Variants in SSTR2 observed in about 807,000 individuals in gnomAD.
SSTR2 encodes the protein somatostatin receptor type 2.
A neutral mutation model predicts 21.4 loss-of-function variants in SSTR2; 10 were observed. The observed-to-expected ratio is 0.47, with a 90% CI of 0.29 to 0.79. The LOEUF is 0.79. SSTR2 is among the 30% of genes least tolerant of loss of function. The pLI is 0.10. For synonymous variants in SSTR2, 177 were observed against 181.3 expected (o/e 0.98, Z 0.19); for missense variants, 364 against 468.8 (o/e 0.78, Z 2.06).
At position 73,171,106 on chromosome 17, in the gene SSTR2, C is replaced by T. The variant is rs1379065538; in HGVS notation, c.*677C>T. On this transcript the variant is annotated 3_prime_UTR_variant, in exon 2 of 2. Coordinates refer to ENST00000357585, the MANE Select transcript of SSTR2 (RefSeq NM_001050.3). Reference sequence around the variant, plus strand: ...TCGTATAAGCTTCAAGCCTCACAAACCTTCTAGCCTCTGCCCTTGGGGATT... The same window carrying T: ...TCGTATAAGCTTCAAGCCTCACAAATCTTCTAGCCTCTGCCCTTGGGGATT... 2 of 178,516 alleles carry T rather than the reference C, an allele frequency of 1.1e-5. No individual in the cohort carries two copies. Among genetic ancestry groups the T allele is most frequent in the African/African-American group, 4.8e-5 (2 of 41,736 alleles). 11.1% of individuals were successfully genotyped at this position (178,516 alleles called of 1,614,324 possible). A position where few individuals can be genotyped will look rare whatever the true frequency, so the allele number is the denominator to read the frequency against.
intron 1 of SSTR2, among the ~76,000 whole-genome samples, chr17:73,168,754 AC>A (rs2061224226): frequency 6.6e-6 from 1 of 152,130 alleles, no homozygotes; most frequent in African/African-American, 2.4e-5. Context: ...CAGCAGTGGA[AC>A]CCGGTTTGTT....
rs1452218836 is a variant in SSTR2 at position 73,170,867 on chromosome 17, G to A, written c.*438G>A. 5.0e-6 allele frequency: 2 copies of A among 403,358 alleles called. No individual in the cohort carries two copies. Among genetic ancestry groups the A allele is most frequent in the Non-Finnish European group, 1.0e-5 (2 of 197,150 alleles). 25.0% of individuals were successfully genotyped at this position (403,358 alleles called of 1,614,324 possible). Reference sequence around the variant, plus strand: ...TTACATACACAAGTAGCAAATTCGAGTATGCATAGTGTAGATGGACATTTG... The same window carrying A: ...TTACATACACAAGTAGCAAATTCGAATATGCATAGTGTAGATGGACATTTG... On this transcript the variant is annotated 3_prime_UTR_variant, in exon 2 of 2. Coordinates refer to ENST00000357585, the MANE Select transcript of SSTR2 (RefSeq NM_001050.3).
chr17:73,170,389 A>G lies in SSTR2; in HGVS notation c.1070A>G (p.Gln357Arg). 6.2e-7 allele frequency: 1 copy of G among 1,613,972 alleles called. No homozygotes were observed. The highest frequency in any genetic ancestry group is 8.5e-7 in the Non-Finnish European group (1 of 1,179,996). ...KSRLNETTET[Q>R]RTLLNGDLQT... ...CGGCTGAATGAGACCACGGAGACCCAGAGGACCCTCCTCAATGGAGACCTC... is the reference window on the plus strand; with the variant it reads ...CGGCTGAATGAGACCACGGAGACCCGGAGGACCCTCCTCAATGGAGACCTC... Residue 357 changes from glutamine to arginine, a missense_variant, in exon 2 of 2, where the codon CAG becomes CGG. Physicochemically the swap from Gln to Arg is conservative, Grantham distance 43. Coordinates refer to ENST00000357585, the MANE Select transcript of SSTR2 (RefSeq NM_001050.3).
In SSTR2 at chr17:73,173,599, T is replaced by C. The variant is rs939827492; in HGVS notation, c.*3170T>C. ...TATTTAATGATGAAGACAAATCTGC[T>C]GGGTGCTGGGAGGGAATAAAAAGTA... On this transcript the variant is annotated 3_prime_UTR_variant, in exon 2 of 2. Coordinates refer to ENST00000357585, the MANE Select transcript of SSTR2 (RefSeq NM_001050.3). 1 of 152,210 alleles carries C rather than the reference T, an allele frequency of 6.6e-6. No homozygotes were observed. The highest frequency in any genetic ancestry group is 1.5e-5 in the Non-Finnish European group (1 of 68,034). 9.4% of individuals were successfully genotyped at this position (152,210 alleles called of 1,614,324 possible). A position where few individuals can be genotyped will look rare whatever the true frequency, so the allele number is the denominator to read the frequency against.
intron 1 of SSTR2, chr17:73,167,956 ATTT>A (rs1228553046): frequency 3.3e-5 from 5 of 152,194 alleles, no homozygotes; most frequent in African/African-American, 7.2e-5. Context: ...TGCTCCAATT[ATTT>A]TCTCAGCAAG....
In SSTR2 at chr17:73,170,721, GA is replaced by G; in HGVS notation, c.*299del. 1 of 575,606 alleles carries G rather than the reference GA, an allele frequency of 1.7e-6. No homozygotes were observed. Among genetic ancestry groups the G allele is most frequent in the Non-Finnish European group, 3.4e-6 (1 of 296,790 alleles). 35.7% of individuals were successfully genotyped at this position (575,606 alleles called of 1,614,324 possible). The stretch of plus-strand genomic sequence containing the variant: ...ATGATCTTTAGAAACAACAAAAATA[GA>G]AAAAAATAAGTATCTGTGTGTTTGT... On this transcript the variant is annotated 3_prime_UTR_variant, in exon 2 of 2. Transcript: ENST00000357585.
In SSTR2 at chr17:73,170,023, T is replaced by C; in HGVS notation, c.704T>C (p.Val235Ala). The C allele has an allele frequency of 1.2e-6, 2 of 1,613,966 alleles. No individual in the cohort carries two copies. The highest frequency in any genetic ancestry group is 1.7e-6 in the Non-Finnish European group (2 of 1,179,910). ...TGCTACCTGTTCATTATCATCAAGG[T>C]GAAGTCCTCTGGAATCCGAGTGGGC... ...CLCYLFIIIK[V>A]KSSGIRVGSS... The change falls in exon 2 of 2, where the codon GTG becomes GCG. Residue 235 changes from valine (V) to alanine (A), a missense_variant. This residue lies in a region of SSTR2 where 193 missense variants were observed against 273.1 expected (regional missense o/e 0.71). Coordinates refer to ENST00000357585, the MANE Select transcript of SSTR2 (RefSeq NM_001050.3).
At chr17:73,166,177 C>G (rs1312917621) in intron 1 of SSTR2, among the ~76,000 whole-genome samples, 2 of 152,254 alleles carry the variant, frequency 1.3e-5, no homozygotes, top group Non-Finnish European at 2.9e-5. Flanking sequence ...TAGGCCAGCA[C>G]CGCCCCGGCT....
In SSTR2 at chr17:73,174,416, G is replaced by A. The variant is rs147493250; in HGVS notation, c.*3987G>A. On this transcript the variant is annotated 3_prime_UTR_variant, in exon 2 of 2. Transcript: ENST00000357585. ...GGCTGATCACAGAGACAGGTAGGAA[G>A]CAATGGACTGTTAAAATGCATGTTC... The A allele has an allele frequency of 6.6e-6, 1 of 152,220 alleles. No homozygotes were observed. The highest frequency in any genetic ancestry group is 2.4e-5 in the African/African-American group (1 of 41,540). The allele number at this position is 152,220 out of a possible 1,614,324, so 9.4% of individuals were successfully genotyped here.
intron 1 of SSTR2, among the ~76,000 whole-genome samples, chr17:73,167,614 T>C (rs1004498171): frequency 1.5e-4 from 23 of 152,210 alleles, no homozygotes; most frequent in Non-Finnish European, 1.6e-4. Context: ...GTCCTCCTGC[T>C]TCACTCTTCA....
rs1204600948 is a variant in SSTR2, at chr17:73,175,126, T to C, written c.*4697T>C. On this transcript the variant is annotated 3_prime_UTR_variant, in exon 2 of 2. Coordinates refer to ENST00000357585, the MANE Select transcript of SSTR2 (RefSeq NM_001050.3). ...TCCCAATAGCTGGCAAGCCAAGCAG[T>C]GGAACTTATAGTAACAACAATCAAT... The C allele has an allele frequency of 3.3e-5, 5 of 152,298 alleles. No homozygotes were observed. Among genetic ancestry groups the C allele is most frequent in the Non-Finnish European group, 7.4e-5 (5 of 68,026 alleles). The allele number at this position is 152,298 out of a possible 1,614,324, so 9.4% of individuals were successfully genotyped here.
rs762970867 is a variant in SSTR2, at chr17:73,169,410, T to G, written c.91T>G (p.Ser31Ala). 12 of 1,614,104 alleles carry G rather than the reference T, an allele frequency of 7.4e-6. No individual in the cohort carries two copies. The highest frequency in any genetic ancestry group is 9.3e-6 in the Non-Finnish European group (11 of 1,180,050). The stretch of plus-strand genomic sequence containing the variant: ...TGGCTCTGTGGTGTCAACCAACACC[T>G]CAAACCAGACAGAGCCGTACTATGA... Reference protein sequence around the residue: ...LNGSVVSTNTSNQTEPYYDLT... With the variant: ...LNGSVVSTNTANQTEPYYDLT... The change falls in exon 2 of 2, where the codon TCA becomes GCA. Residue 31 changes from serine (S) to alanine (A), a missense_variant. By Grantham distance (99) the Ser-to-Ala change is moderately conservative (BLOSUM62 1). Around this residue, in one of 4 missense-constraint regions of SSTR2, gnomAD observed 75 missense variants for 75.4 expected, o/e 0.99. Coordinates refer to ENST00000357585, the MANE Select transcript of SSTR2 (RefSeq NM_001050.3). The surrounding 1 kb of genome is among the most constrained non-coding windows in gnomAD (Gnocchi z 5.2).
Position 73,165,032 on chromosome 17 carries a change from A to G in SSTR2, c.-349A>G, listed in dbSNP as rs942431031. On this transcript the variant is annotated 5_prime_UTR_variant, in exon 1 of 2. It removes an upstream start codon present in the reference 5' UTR. Coordinates refer to ENST00000357585, the MANE Select transcript of SSTR2 (RefSeq NM_001050.3). The stretch of plus-strand genomic sequence containing the variant: ...GCCAGTCCCAGCGGCGCAGCCACCC[A>G]TGCGCGCGCGCTCGCAAGACCACCA... 2.6e-5 allele frequency: 4 copies of G among 152,144 alleles called. No individual in the cohort carries two copies. Among genetic ancestry groups the G allele is most frequent in the Admixed American group, 6.5e-5 (1 of 15,286 alleles). 9.4% of individuals were successfully genotyped at this position (152,144 alleles called of 1,614,324 possible).
Position 73,171,945 on chromosome 17 carries a change from A to AG in SSTR2, c.*1516_*1517insG. 6.8e-6 allele frequency: 1 copy of AG among 147,690 alleles called. No individual in the cohort carries two copies. Among genetic ancestry groups the AG allele is most frequent in the African/African-American group, 2.5e-5 (1 of 40,714 alleles). The allele number at this position is 147,690 out of a possible 1,614,324, so 9.1% of individuals were successfully genotyped here. A position where few individuals can be genotyped will look rare whatever the true frequency, so the allele number is the denominator to read the frequency against. On this transcript the variant is annotated 3_prime_UTR_variant, in exon 2 of 2. Coordinates refer to ENST00000357585, the MANE Select transcript of SSTR2 (RefSeq NM_001050.3). ...TCAAAAAAAAAAAAAAAAAAAAAAA[A>AG]AAAAAAAAAAAAGGAAAACCACAAT...
In SSTR2 at chr17:73,172,442, G is replaced by A. The variant is rs1054136796; in HGVS notation, c.*2013G>A. On this transcript the variant is annotated 3_prime_UTR_variant, in exon 2 of 2. Coordinates refer to ENST00000357585, the MANE Select transcript of SSTR2 (RefSeq NM_001050.3). The stretch of plus-strand genomic sequence containing the variant: ...CTCCCTAAGCAAGCGCTGTTGGCCG[G>A]TGGGAGTGACTAAGTGCTCCACCTG... 6.6e-6 allele frequency: 1 copy of A among 152,222 alleles called. No homozygotes were observed. Among genetic ancestry groups the A allele is most frequent in the Non-Finnish European group, 1.5e-5 (1 of 68,046 alleles). 9.4% of individuals were successfully genotyped at this position (152,222 alleles called of 1,614,324 possible). A position where few individuals can be genotyped will look rare whatever the true frequency, so the allele number is the denominator to read the frequency against.
chr17:73,170,650 G>T lies in SSTR2; in HGVS notation c.*221G>T. 1 of 703,940 alleles carries T rather than the reference G, an allele frequency of 1.4e-6. No homozygotes were observed. The allele number at this position is 703,940 out of a possible 1,614,324, so 43.6% of individuals were successfully genotyped here. ...TCCCCCTTAAAGCGAACACTGAAAT[G>T]CAGGTAGACAATTCAAAGTCTGGAG... On this transcript the variant is annotated 3_prime_UTR_variant, in exon 2 of 2. Coordinates refer to ENST00000357585, the MANE Select transcript of SSTR2 (RefSeq NM_001050.3).
chr17:73,169,731 A>T lies in SSTR2; in HGVS notation c.412A>T (p.Ile138Phe). 1 of 1,614,238 alleles carries T rather than the reference A, an allele frequency of 6.2e-7. No individual in the cohort carries two copies. The highest frequency in any genetic ancestry group is 1.1e-5 in the South Asian group (1 of 91,078). ...CATCTTCTGCCTGACAGTCATGAGCATCGACCGATACCTGGCTGTGGTCCA... is the reference window on the plus strand; with the variant it reads ...CATCTTCTGCCTGACAGTCATGAGCTTCGACCGATACCTGGCTGTGGTCCA... ...TSIFCLTVMS[I>F]DRYLAVVHPI... Residue 138 changes from isoleucine (I) to phenylalanine (F), a missense_variant, in exon 2 of 2, where the codon ATC becomes TTC. Ile to Phe is a conservative substitution (Grantham distance 21). Coordinates refer to ENST00000357585, the MANE Select transcript of SSTR2 (RefSeq NM_001050.3). The surrounding 1 kb of genome is among the most constrained non-coding windows in gnomAD (Gnocchi z 5.2).
At position 73,170,187 on chromosome 17, in the gene SSTR2, C is replaced by A. The variant is rs780861427; in HGVS notation, c.868C>A (p.Leu290Ile). ...VSMAISPTPA[L>I]KGMFDFVVVL... Reference sequence around the variant, plus strand: ...CATGGCCATCAGCCCCACCCCAGCCCTTAAAGGCATGTTTGACTTTGTGGT... The same window carrying A: ...CATGGCCATCAGCCCCACCCCAGCCATTAAAGGCATGTTTGACTTTGTGGT... The change falls in exon 2 of 2, where the codon CTT (leucine) becomes ATT (isoleucine). Residue 290 changes from leucine to isoleucine, a missense_variant. Physicochemically the swap from Leu to Ile is conservative, Grantham distance 5 (BLOSUM62 2). Coordinates refer to ENST00000357585, the MANE Select transcript of SSTR2 (RefSeq NM_001050.3). 2 of 1,614,184 alleles carry A rather than the reference C, an allele frequency of 1.2e-6. No individual in the cohort carries two copies. The highest frequency in any genetic ancestry group is 2.2e-5 in the South Asian group (2 of 91,078).
rs1568285904 is a variant in SSTR2, at chr17:73,169,482, A to G, written c.163A>G (p.Ile55Val). 1 of 1,614,268 alleles carries G rather than the reference A, an allele frequency of 6.2e-7. No homozygotes were observed. Among genetic ancestry groups the G allele is most frequent in the Middle Eastern group, 1.6e-4 (1 of 6,062 alleles). ...CACATTCATCTATTTTGTGGTCTGC[A>G]TCATTGGGTTGTGTGGCAACACACT... ...VLTFIYFVVCIIGLCGNTLVI... is the reference protein window; with the variant it reads ...VLTFIYFVVCVIGLCGNTLVI... The change falls in exon 2 of 2, where the codon ATC (isoleucine) becomes GTC (valine). Residue 55 changes from isoleucine to valine, a missense_variant. Physicochemically the swap from Ile to Val is conservative, Grantham distance 29 (BLOSUM62 3). Coordinates refer to ENST00000357585, the MANE Select transcript of SSTR2 (RefSeq NM_001050.3). This position sits in a 1 kb window ranked among gnomAD's most constrained non-coding sequence, Gnocchi z 5.2.
Sources: allele counts gnomAD v4.1 joint callset (sites outside exome capture counted in the v4.1 genomes callset), GRCh38; gene constraint gnomAD v4.1.1; regional missense constraint gnomAD v4.1.1; non-coding constraint Gnocchi (gnomAD v3.1); transcripts MANE v1.5; gene names NCBI Gene and HGNC (gene_info 2026-07-23, HGNC 2026-07-21).